Variants in STUM observed in about 807,000 individuals in gnomAD.
The protein encoded by STUM is stum, mechanosensory transduction mediator homolog, also known as protein stum homolog.
STUM carries 8 observed loss-of-function variants against 15.3 expected under a neutral mutation model. The observed-to-expected ratio is 0.52, with a 90% CI of 0.31 to 0.94. The LOEUF (loss-of-function observed/expected upper bound fraction) is 0.94. Among genes scored for constraint, STUM ranks in the 40% least tolerant of loss-of-function variants. STUM has a pLI of 0.05. For synonymous variants in STUM, 78 were observed against 88.7 expected (o/e 0.88, Z 0.68); for missense variants, 142 against 204.9 (o/e 0.69, Z 1.87).
Position 226,548,808 on chromosome 1 carries a change from C to A in STUM, c.-97C>A. 1 of 1,048,182 alleles carries A rather than the reference C, an allele frequency of 9.5e-7. No homozygotes were observed. Among genetic ancestry groups the A allele is most frequent in the Non-Finnish European group, 1.2e-6 (1 of 825,100 alleles). The allele number at this position is 1,048,182 out of a possible 1,614,324, so 64.9% of individuals were successfully genotyped here. On this transcript the variant is annotated 5_prime_UTR_variant, in exon 1 of 4. Transcript: ENST00000366788. ...GAGCACGGCGGCCGCCTGAGCTCGG[C>A]GCGGAGCCCGGAGCCCGCAGCCGAC...
intron 1 of STUM, among the ~76,000 whole-genome samples, chr1:226,588,165 C>G (rs1341381070): frequency 6.6e-6 from 1 of 152,140 alleles, no homozygotes; most frequent in Non-Finnish European, 1.5e-5. Context: ...TTGCAAATTC[C>G]TTGCTGGCCA....
intron 1 of STUM, among the ~76,000 whole-genome samples, chr1:226,586,854 C>T (rs1349345733): frequency 3.9e-5 from 6 of 152,180 alleles, no homozygotes; most frequent in South Asian, 2.1e-4. Context: ...GTAGGAAGGA[C>T]GAGGCTAAGC....
rs1414284985 is a variant in STUM, at chr1:226,608,995, A to G, written c.*6955A>G. ...CTTCACTCAAGCAGCATTACTGTAC[A>G]TGCAATGAAAAATACTATATATGAC... On this transcript the variant is annotated 3_prime_UTR_variant, in exon 4 of 4. Transcript: ENST00000366788. This position sits in a 1 kb window ranked among gnomAD's most constrained non-coding sequence, Gnocchi z 4.0. The G allele has an allele frequency of 1.3e-5, 2 of 152,238 alleles. No individual in the cohort carries two copies. Among genetic ancestry groups the G allele is most frequent in the Non-Finnish European group, 2.9e-5 (2 of 68,040 alleles). The allele number at this position is 152,238 out of a possible 1,614,324, so 9.4% of individuals were successfully genotyped here. A position where few individuals can be genotyped will look rare whatever the true frequency, so the allele number is the denominator to read the frequency against.
At chr1:226,559,740 A>G (rs1285362388) in intron 1 of STUM, among the ~76,000 whole-genome samples, 5 of 152,210 alleles carry the variant, frequency 3.3e-5, no homozygotes, top group East Asian at 1.9e-4. Context: ...TTGGGAGGCC[A>G]AGGTGGGAGG....
chr1:226,598,611 G>T (rs1484558395), intron 2 of STUM, among the ~76,000 whole-genome samples: 1 of 152,220 alleles, frequency 6.6e-6, no homozygotes, highest in Non-Finnish European at 1.5e-5. Context: ...CCCCAGAAGT[G>T]CAGATGGGGA....
In STUM at chr1:226,596,924, GTC is replaced by G; in HGVS notation, c.326_327del (p.Val109AspfsTer47). 6.2e-7 allele frequency: 1 copy of G among 1,614,226 alleles called. No individual in the cohort carries two copies. The highest frequency in any genetic ancestry group is 8.5e-7 in the Non-Finnish European group (1 of 1,180,028). On this transcript the variant is annotated frameshift_variant, in exon 2 of 4. Coordinates refer to ENST00000366788, the MANE Select transcript of STUM (RefSeq NM_001003665.4). LOFTEE classifies it high-confidence loss of function. ...CCTCATCCAAATCCTCACTGCCATC[GTC>G]ATGGTGGGCTGGATCATGAGCATCT... Reference protein sequence around the residue: ...AALIQILTAIVMVGWIMSIFW... With the variant: ...AALIQILTAIXMVGWIMSIFW...
chr1:226,561,765 G>T (rs145351799), intron 1 of STUM, among the ~76,000 whole-genome samples: 1 of 152,118 alleles, frequency 6.6e-6, no homozygotes, highest in Non-Finnish European at 1.5e-5. Flanking sequence ...TGAGGAGCAG[G>T]ATATTTATTT....
At chr1:226,593,027 A>C (rs1457577749) in intron 1 of STUM, among the ~76,000 whole-genome samples, 1 of 152,210 alleles carries the variant, frequency 6.6e-6, no homozygotes, top group African/African-American at 2.4e-5. Context: ...CTCGACTAAA[A>C]ATACAAAAAT....
chr1:226,600,736 G>A lies in STUM; in HGVS notation c.391+62G>A, dbSNP rs1668250960. 2.5e-6 allele frequency: 4 copies of A among 1,579,484 alleles called. No individual in the cohort carries two copies. Among genetic ancestry groups the A allele is most frequent in the African/African-American group, 2.7e-5 (2 of 74,446 alleles). ...TGCTTGGGGCCCTCCCCTCCCCCGA[G>A]ACCCCCACTCCTGCACACAAACACC... On this transcript the variant is annotated intron_variant, in intron 3 of 3. Coordinates refer to ENST00000366788, the MANE Select transcript of STUM (RefSeq NM_001003665.4). This position sits in a 1 kb window ranked among gnomAD's most constrained non-coding sequence, Gnocchi z 5.2.
At chr1:226,578,729 G>GC (rs949859819) in intron 1 of STUM, among the ~76,000 whole-genome samples, 54 of 152,184 alleles carry the variant, frequency 3.5e-4, no homozygotes, top group Middle Eastern at 3.4e-3. Context: ...CAAGTTTAAA[G>GC]CCCACAGCCA....
At chr1:226,573,184 C>T (rs959143253) in intron 1 of STUM, among the ~76,000 whole-genome samples, 7 of 152,224 alleles carry the variant, frequency 4.6e-5, no homozygotes, top group Non-Finnish European at 1.0e-4. Context: ...GTGCATCGGT[C>T]TGCCATTCCT....
intron 1 of STUM, among the ~76,000 whole-genome samples, chr1:226,569,704 C>T (rs968415967): frequency 2.6e-5 from 4 of 152,126 alleles, no homozygotes; most frequent in South Asian, 4.1e-4. Context: ...CTCAATGTAA[C>T]GTACCCCCAA....
rs575874402 is a variant in STUM at position 226,604,893 on chromosome 1, A to G, written c.*2853A>G. 5.2e-5 allele frequency: 8 copies of G among 152,406 alleles called. No homozygotes were observed. Among genetic ancestry groups the G allele is most frequent in the African/African-American group, 1.4e-4 (6 of 41,564 alleles). The allele number at this position is 152,406 out of a possible 1,614,324, so 9.4% of individuals were successfully genotyped here. On this transcript the variant is annotated 3_prime_UTR_variant, in exon 4 of 4. Coordinates refer to ENST00000366788, the MANE Select transcript of STUM (RefSeq NM_001003665.4). This position sits in a 1 kb window ranked among gnomAD's most constrained non-coding sequence, Gnocchi z 4.7. The stretch of plus-strand genomic sequence containing the variant: ...CTTGCAGAGAAAGTCAGAGGCAATG[A>G]GATGCTCCCAGTACCAAACTGTGAC...
In STUM at chr1:226,608,778, C is replaced by T. The variant is rs905843351; in HGVS notation, c.*6738C>T. On this transcript the variant is annotated 3_prime_UTR_variant, in exon 4 of 4. Coordinates refer to ENST00000366788, the MANE Select transcript of STUM (RefSeq NM_001003665.4). The surrounding 1 kb of genome is among the most constrained non-coding windows in gnomAD (Gnocchi z 4.0). The stretch of plus-strand genomic sequence containing the variant: ...AATGTCGGGGACGTAGGGACGCTTC[C>T]AGACTTGCCCTGGCCGGAACCCTGC... The T allele has an allele frequency of 1.3e-5, 2 of 152,200 alleles. No individual in the cohort carries two copies. Among genetic ancestry groups the T allele is most frequent in the Non-Finnish European group, 2.9e-5 (2 of 68,050 alleles). 9.4% of individuals were successfully genotyped at this position (152,200 alleles called of 1,614,324 possible).
At chr1:226,588,234 G>C (rs1668028813) in intron 1 of STUM, among the ~76,000 whole-genome samples, 1 of 152,168 alleles carries the variant, frequency 6.6e-6, no homozygotes, top group Admixed American at 6.5e-5. Context: ...GAATGACTCG[G>C]TGCAGTTCTA....
Position 226,548,902 on chromosome 1 carries a change from G to C in STUM, c.-3G>C. 7 of 1,399,656 alleles carry C rather than the reference G, an allele frequency of 5.0e-6. No homozygotes were observed. The highest frequency in any genetic ancestry group is 6.4e-6 in the Non-Finnish European group (7 of 1,085,930). The allele number at this position is 1,399,656 out of a possible 1,614,324, so 86.7% of individuals were successfully genotyped here. A position where few individuals can be genotyped will look rare whatever the true frequency, so the allele number is the denominator to read the frequency against. ...GCCCGGCTGCCTGAGAGCGCGCCCG[G>C]CCATGGAGCCCTCGCACAAAGACGC... On this transcript the variant is annotated 5_prime_UTR_variant, in exon 1 of 4. Transcript: ENST00000366788.
Position 226,548,978 on chromosome 1 carries a change from C to A in STUM, c.74C>A (p.Ala25Glu). 2 of 1,518,320 alleles carry A rather than the reference C, an allele frequency of 1.3e-6. No individual in the cohort carries two copies. Among genetic ancestry groups the A allele is most frequent in the Non-Finnish European group, 1.8e-6 (2 of 1,135,098 alleles). 94.1% of individuals were successfully genotyped at this position (1,518,320 alleles called of 1,614,324 possible). The change falls in exon 1 of 4, where the codon GCG (alanine) becomes GAG (glutamate). Residue 25 changes from alanine to glutamate, a missense_variant. Around this residue, in one of 2 missense-constraint regions of STUM, gnomAD observed 113 missense variants for 134.4 expected, o/e 0.84. Coordinates refer to ENST00000366788, the MANE Select transcript of STUM (RefSeq NM_001003665.4). ...AAVAAADPRGASSSSGVVVQV... is the reference protein window; with the variant it reads ...AAVAAADPRGESSSSGVVVQV... ...GTGGCGGCGGCGGACCCCCGGGGGG[C>A]GTCCTCGTCCAGCGGGGTGGTGGTG...
At chr1:226,586,555 C>G (rs550693279) in intron 1 of STUM, among the ~76,000 whole-genome samples, 41 of 152,316 alleles carry the variant, frequency 2.7e-4, no homozygotes, top group Non-Finnish European at 4.7e-4. Flanking sequence ...TCAGGGATCC[C>G]TGTTCTCAGT....
intron 1 of STUM, among the ~76,000 whole-genome samples, chr1:226,557,981 G>A (rs181172597): frequency 3.1e-4 from 47 of 152,236 alleles, no homozygotes; most frequent in African/African-American, 8.9e-4. Flanking sequence ...TAGAAAGGTC[G>A]TACCTTAACA....
Sources: allele counts gnomAD v4.1 joint callset (sites outside exome capture counted in the v4.1 genomes callset), GRCh38; gene constraint gnomAD v4.1.1; regional missense constraint gnomAD v4.1.1; non-coding constraint Gnocchi (gnomAD v3.1); transcripts MANE v1.5; gene names NCBI Gene and HGNC (gene_info 2026-07-23, HGNC 2026-07-21).